The following STARD13 variants were observed in gnomAD, a reference collection of about 807,000 sequenced individuals.
The protein encoded by STARD13 is StAR related lipid transfer domain containing 13.
STARD13 carries 62 observed loss-of-function variants against 106.4 expected under a neutral mutation model. The observed-to-expected ratio is 0.58, with a 90% confidence interval of 0.48 to 0.72. The LOEUF (loss-of-function observed/expected upper bound fraction) is 0.72. Ranked by LOEUF, STARD13 falls within the 30% of genes least tolerant of loss-of-function variation. STARD13 has a pLI of 0.00. For synonymous variants in STARD13, 565 were observed against 553.0 expected, an observed-to-expected ratio of 1.02 and a Z score of -0.31; for missense variants, 1,387 against 1,424.0, an observed-to-expected ratio of 0.97 and a Z score of 0.42.
At chr13:33,109,806 T>C in intron 12 of STARD13, 67 bp downstream of exon 12, 1 of 1,471,406 alleles carries the variant, frequency 6.8e-7, no homozygotes, top group Admixed American at 1.7e-5. Flanking sequence ...CCAGGAGAAG[T>C]GCTCACATCT....
chr13:33,371,775 G>A, the STARD13 span, among the ~76,000 whole-genome samples: 8 of 152,148 alleles, frequency 5.3e-5, no homozygotes, highest in Non-Finnish European at 8.8e-5. Context: ...ACAGGTACAC[G>A]TTTTATACCT....
intron 2 of STARD13, among the ~76,000 whole-genome samples, chr13:33,167,245 AAAG>A (rs1883426705): frequency 1.3e-5 from 2 of 151,432 alleles, no homozygotes; most frequent in African/African-American, 4.8e-5. Flanking sequence ...ACAAGGAGAA[AAAG>A]AAGGAAGTGC....
At chr13:33,335,353 C>T (rs1026496521) in intron 1 of STARD13, 1 of 152,232 alleles carries the variant, frequency 6.6e-6, no homozygotes, top group African/African-American at 2.4e-5. Context: ...AGCCAGCTCC[C>T]TCTGTGACAC....
chr13:33,546,736 C>T, the STARD13 span, among the ~76,000 whole-genome samples: 13 of 151,980 alleles, frequency 8.6e-5, no homozygotes, highest in Admixed American at 2.6e-4. Flanking sequence ...CTCCACCTCC[C>T]GGGCTCAAGT....
chr13:33,458,815 C>CTTTTTT, the STARD13 span, among the ~76,000 whole-genome samples: 4 of 113,516 alleles, frequency 3.5e-5, no homozygotes, highest in Non-Finnish European at 7.2e-5. Flanking sequence ...AACATGTTTA[C>CTTTTTT]TTTTTTTTTT....
At chr13:33,437,408 G>C in the STARD13 span, among the ~76,000 whole-genome samples, 1 of 152,246 alleles carries the variant, frequency 6.6e-6, no homozygotes, top group African/African-American at 2.4e-5. Context: ...GCCCCTGGCC[G>C]AATAAACCCC....
downstream of STARD13, among the ~76,000 whole-genome samples, chr13:33,344,258 C>A (rs2077995137): frequency 6.6e-6 from 1 of 152,130 alleles, no homozygotes; most frequent in Non-Finnish European, 1.5e-5. Flanking sequence ...AAGTGATGTG[C>A]TCTTCTTTTC....
chr13:33,463,622 A>G, the STARD13 span, among the ~76,000 whole-genome samples: 3 of 152,198 alleles, frequency 2.0e-5, no homozygotes, highest in East Asian at 5.8e-4. Flanking sequence ...CCAGCTATAT[A>G]GAACTCACTA....
At chr13:33,581,350 A>G in the STARD13 span, among the ~76,000 whole-genome samples, 3 of 152,282 alleles carry the variant, frequency 2.0e-5, no homozygotes, top group African/African-American at 4.8e-5. Context: ...TTTCAAATCA[A>G]TATTTTTTTT....
intron 1 of STARD13, among the ~76,000 whole-genome samples, chr13:33,178,629 A>G (rs1884943058): frequency 6.6e-6 from 1 of 152,254 alleles, no homozygotes; most frequent in Non-Finnish European, 1.5e-5. Flanking sequence ...TTCAAAACTA[A>G]GGTCCTGGAC....
the STARD13 span, among the ~76,000 whole-genome samples, chr13:33,488,083 G>T: frequency 6.6e-6 from 1 of 152,132 alleles, no homozygotes; most frequent in Non-Finnish European, 1.5e-5. Flanking sequence ...TGGTCACTGA[G>T]CCTTCCCCTC....
intron 1 of STARD13, among the ~76,000 whole-genome samples, chr13:33,316,248 A>G (rs1893330111): frequency 1.3e-5 from 2 of 151,674 alleles, no homozygotes. Flanking sequence ...TATCAGAAAT[A>G]TGCCTTCACT....
At chr13:33,442,746 A>G in the STARD13 span, among the ~76,000 whole-genome samples, 4 of 152,236 alleles carry the variant, frequency 2.6e-5, no homozygotes, top group Non-Finnish European at 5.9e-5. Flanking sequence ...TACATGAAAC[A>G]TTAGAAGCAG....
chr13:33,588,854 C>G, the STARD13 span, among the ~76,000 whole-genome samples: 1 of 152,198 alleles, frequency 6.6e-6, no homozygotes, highest in Non-Finnish European at 1.5e-5. Context: ...CGCCCCCTCA[C>G]TTAACTCACA....
upstream of STARD13, among the ~76,000 whole-genome samples, chr13:33,352,935 A>T (rs1214099974): frequency 6.6e-6 from 1 of 152,174 alleles, no homozygotes; most frequent in Non-Finnish European, 1.5e-5. Flanking sequence ...CTATTAGGAG[A>T]AAAGAACTCA....
chr13:33,524,879 C>T, the STARD13 span, among the ~76,000 whole-genome samples: 1 of 152,032 alleles, frequency 6.6e-6, no homozygotes, highest in African/African-American at 2.4e-5. Flanking sequence ...AATCTACTCT[C>T]GGCAATTTTC....
At chr13:33,615,177 C>A in the STARD13 span, among the ~76,000 whole-genome samples, 203 of 152,066 alleles carry the variant, frequency 1.3e-3, 1 homozygote, top group African/African-American at 4.6e-3. Flanking sequence ...CCGCAAAAAC[C>A]CCTGTGTTTT....
the STARD13 span, among the ~76,000 whole-genome samples, chr13:33,498,609 A>C: frequency 2.6e-5 from 4 of 152,226 alleles, no homozygotes; most frequent in Non-Finnish European, 5.9e-5. Context: ...ATTAAATGAC[A>C]ATTTAAAATA....
At chr13:33,560,575 C>T in the STARD13 span, among the ~76,000 whole-genome samples, 8 of 151,256 alleles carry the variant, frequency 5.3e-5, no homozygotes, top group Non-Finnish European at 1.5e-5. Context: ...GCATCGTAAA[C>T]ATTGTTGCAA....
Sources: gnomAD v4.1 joint callset for allele counts (sites outside exome capture counted in the v4.1 genomes callset) on GRCh38, gnomAD v4.1.1 for gene constraint, MANE v1.5 for transcripts, NCBI Gene and HGNC (gene_info 2026-07-23, HGNC 2026-07-21) for gene names.